Variants in KDM4C observed in about 807,000 individuals in gnomAD.
KDM4C encodes the protein lysine-specific demethylase 4C.
KDM4C carries 81 observed loss-of-function variants against 129.3 expected under a neutral mutation model. That is an observed-to-expected ratio of 0.63 (90% confidence interval 0.52 to 0.75). KDM4C has a LOEUF of 0.75. KDM4C is among the 30% of genes least tolerant of loss of function. KDM4C has a pLI of 0.00. For missense variants in KDM4C, 1,457 were observed against 1,304.0 expected (o/e 1.12, Z -1.81); for synonymous variants, 573 against 456.1 (o/e 1.26, Z -3.26).
intron 2 of KDM4C, among the ~76,000 whole-genome samples, chr9:6,798,400 T>G (rs1828164543): frequency 6.6e-6 from 1 of 152,046 alleles, no homozygotes; most frequent in South Asian, 2.1e-4. Flanking sequence ...GGCAGAGTGT[T>G]TGTGTCCCTG....
intron 1 of KDM4C, among the ~76,000 whole-genome samples, chr9:6,740,631 G>A (rs1455093078): frequency 2.0e-5 from 3 of 152,108 alleles, no homozygotes; most frequent in African/African-American, 7.2e-5. Context: ...CGATTCTCCT[G>A]CCTCAGCCTC....
At chr9:6,899,412 C>T (rs997816962) in intron 8 of KDM4C, among the ~76,000 whole-genome samples, 15 of 152,078 alleles carry the variant, frequency 9.9e-5, no homozygotes, top group African/African-American at 3.4e-4. Context: ...CCGTAGTTTA[C>T]ATTAGGGCTC....
chr9:6,845,943 C>G (rs1319038398), intron 4 of KDM4C, among the ~76,000 whole-genome samples: 2 of 152,196 alleles, frequency 1.3e-5, no homozygotes, highest in Non-Finnish European at 2.9e-5. Context: ...TCGGCAGATT[C>G]TAACTTGTCA....
chr9:6,879,134 C>T (rs1413470145), intron 5 of KDM4C, among the ~76,000 whole-genome samples: 1 of 152,110 alleles, frequency 6.6e-6, no homozygotes, highest in South Asian at 2.1e-4. Context: ...GTAACTTGTA[C>T]TAAGTATATA....
At position 7,060,606 on chromosome 9, in the gene KDM4C, T is replaced by C. The variant is rs970562551; in HGVS notation, c.2424+11406T>C. On this transcript the variant is annotated intron_variant, in intron 17 of 21. Coordinates refer to ENST00000381309, the MANE Select transcript of KDM4C (RefSeq NM_015061.6). ...AAGTGATTCTCCTGCCTCAGCCTCC[T>C]GAGTAGCTGGGACTACAGGTGCATG... Among the ~76,000 whole-genome samples the C allele has an allele frequency of 2.0e-5, 3 of 151,808 alleles. No homozygotes were observed. In the South Asian group the frequency reaches 6.3e-4, roughly 32 times the overall value.
At chr9:7,046,012 C>T (rs1199367896) in intron 15 of KDM4C, among the ~76,000 whole-genome samples, 2 of 152,034 alleles carry the variant, frequency 1.3e-5, no homozygotes, top group Non-Finnish European at 2.9e-5. Context: ...CAAATAACTT[C>T]TACCAATTTA....
At chr9:7,112,260 T>C (rs189469493) in intron 18 of KDM4C, among the ~76,000 whole-genome samples, 23 of 152,274 alleles carry the variant, frequency 1.5e-4, no homozygotes, top group Admixed American at 3.3e-4. Context: ...TTAGGGGAGT[T>C]CTGCTTTATT....
intron 19 of KDM4C, among the ~76,000 whole-genome samples, chr9:7,161,073 A>G (rs1269915324): frequency 2.6e-5 from 4 of 152,164 alleles, no homozygotes; most frequent in Admixed American, 6.5e-5. Context: ...GCCACCTCGC[A>G]CTTCAGTCTC....
intron 17 of KDM4C, among the ~76,000 whole-genome samples, chr9:7,061,042 A>G (rs1587356093): frequency 6.6e-6 from 1 of 152,190 alleles, no homozygotes; most frequent in East Asian, 1.9e-4. Context: ...AGAGCTAAAT[A>G]ATATGCCTGT....
intron 1 of KDM4C, among the ~76,000 whole-genome samples, chr9:6,744,429 G>T (rs1052424910): frequency 7.2e-5 from 11 of 152,130 alleles, no homozygotes. Flanking sequence ...AGAGGCTGAG[G>T]CAGGAGAATT....
rs756137378 is a variant in KDM4C, at chr9:7,174,678, C to T, written c.3120C>T (p.Tyr1040=). ...ATGAATATGTGGCCGACCCTGTATA[C>T]CGCACTTTTTTGAAGAGCTCTTTCC... The part of the protein sequence containing the change: ...FKNEYVADPV[Y]RTFLKSSFQK... Residue 1040 remains tyrosine (Y), a synonymous_variant, in exon 22 of 22, where the codon TAC becomes TAT. Transcript: ENST00000381309. The T allele has an allele frequency of 1.2e-6, 2 of 1,614,122 alleles. No individual in the cohort carries two copies. Among genetic ancestry groups the T allele is most frequent in the Non-Finnish European group, 1.7e-6 (2 of 1,179,976 alleles).
At chr9:7,128,259 C>T (rs1840235714) in intron 19 of KDM4C, 23 bp downstream of exon 19, 3 of 1,509,212 alleles carry the variant, frequency 2.0e-6, no homozygotes, top group Non-Finnish European at 2.7e-6. Context: ...CCTTGAGTGC[C>T]TGCTACCCAG....
At chr9:6,971,171 T>C (rs188982299) in intron 8 of KDM4C, among the ~76,000 whole-genome samples, 315 of 152,324 alleles carry the variant, frequency 2.1e-3, no homozygotes, top group African/African-American at 7.3e-3. Context: ...TATAGATGAG[T>C]AATCTTTGCT....
intron 12 of KDM4C, among the ~76,000 whole-genome samples, chr9:6,997,336 C>A (rs575421105): frequency 6.6e-6 from 1 of 152,162 alleles, no homozygotes; most frequent in African/African-American, 2.4e-5. Context: ...CCTTAAAAGC[C>A]TACACCTTTA....
At chr9:7,040,588 T>A (rs1335912179) in intron 15 of KDM4C, among the ~76,000 whole-genome samples, 1 of 152,056 alleles carries the variant, frequency 6.6e-6, no homozygotes, top group Non-Finnish European at 1.5e-5. Context: ...TGGGGACAAA[T>A]TCTGTTAGAT....
At chr9:6,829,654 G>C (rs1205026358) in intron 4 of KDM4C, among the ~76,000 whole-genome samples, 1 of 152,174 alleles carries the variant, frequency 6.6e-6, no homozygotes, top group African/African-American at 2.4e-5. Context: ...TACTCTTTCA[G>C]ACAGTCACCA....
intron 4 of KDM4C, among the ~76,000 whole-genome samples, chr9:6,848,618 G>A (rs1838283155): frequency 6.6e-6 from 1 of 152,040 alleles, no homozygotes; most frequent in South Asian, 2.1e-4. Flanking sequence ...GCGGTGAGCT[G>A]AGATTGCACC....
chr9:6,847,258 T>C (rs1326860469), intron 4 of KDM4C, among the ~76,000 whole-genome samples: 1 of 152,170 alleles, frequency 6.6e-6, no homozygotes, highest in Non-Finnish European at 1.5e-5. Context: ...AATAGGACTC[T>C]ATTATTAGAG....
At chr9:7,029,739 TGTTAGA>T (rs1826414037) in intron 15 of KDM4C, among the ~76,000 whole-genome samples, 2 of 152,172 alleles carry the variant, frequency 1.3e-5, no homozygotes, top group Non-Finnish European at 2.9e-5. Flanking sequence ...TGTGGGATTT[TGTTAGA>T]GTGCCACAAA....
Sources: gnomAD v4.1 joint callset for allele counts (sites outside exome capture counted in the v4.1 genomes callset) on GRCh38, gnomAD v4.1.1 for gene constraint, MANE v1.5 for transcripts, NCBI Gene and HGNC (gene_info 2026-07-23, HGNC 2026-07-21) for gene names.